ARIH2: variants seen among roughly 807,000 people sequenced by gnomAD.
The protein encoded by ARIH2 is E3 ubiquitin-protein ligase ARIH2.
A neutral mutation model predicts 79.8 loss-of-function variants in ARIH2; 12 were observed. The ratio of observed to expected loss-of-function variants is 0.15; its 90% CI spans 0.10 to 0.24. The LOEUF is 0.24. Ranked by LOEUF, ARIH2 falls within the 10% of genes least tolerant of loss-of-function variation. The pLI, the probability that ARIH2 is intolerant of heterozygous loss-of-function variation, is 1.00. For missense variants in ARIH2, 301 were observed against 618.3 expected (o/e 0.49, Z 5.44); for synonymous variants, 224 against 213.9 (o/e 1.05, Z -0.41).
chr3:48,941,779 A>G (rs940267236), intron 3 of ARIH2, among the ~76,000 whole-genome samples: 2 of 150,524 alleles, frequency 1.3e-5, no homozygotes, highest in African/African-American at 4.9e-5. Flanking sequence ...TTTTTAGTAG[A>G]GACGGGGTTA....
chr3:48,943,132 C>T (rs1326709812), intron 3 of ARIH2: 1 of 152,104 alleles, frequency 6.6e-6, no homozygotes, highest in Admixed American at 6.5e-5. Flanking sequence ...ATATCTGCCC[C>T]CTCCTTTACT....
chr3:48,923,162 C>G (rs974381798), intron 2 of ARIH2, among the ~76,000 whole-genome samples: 1 of 151,298 alleles, frequency 6.6e-6, no homozygotes, highest in Non-Finnish European at 1.5e-5. Context: ...AGCCGAGATC[C>G]CGCCACTGCA....
At chr3:48,953,687 A>G (rs1559787991) in intron 3 of ARIH2, among the ~76,000 whole-genome samples, 1 of 148,714 alleles carries the variant, frequency 6.7e-6, no homozygotes, top group African/African-American at 2.5e-5. Flanking sequence ...GGTGTGAGCC[A>G]CCACGCCCAG....
At chr3:48,930,560 C>A (rs2086235004) in intron 3 of ARIH2, among the ~76,000 whole-genome samples, 1 of 152,128 alleles carries the variant, frequency 6.6e-6, no homozygotes, top group Non-Finnish European at 1.5e-5. Flanking sequence ...GGCCTCAAGC[C>A]ATCTTCCCAC....
intron 6 of ARIH2, chr3:48,968,159 T>G: frequency 5.3e-6 from 1 of 189,154 alleles, no homozygotes; most frequent in South Asian, 9.0e-5. Flanking sequence ...CTCAGCCTCC[T>G]GAGTAGTTGG....
At chr3:48,945,605 ATC>A (rs1274116422) in intron 3 of ARIH2, among the ~76,000 whole-genome samples, 1 of 152,138 alleles carries the variant, frequency 6.6e-6, no homozygotes, top group African/African-American at 2.4e-5. Flanking sequence ...GCAGGAATTG[ATC>A]TCTCTCTGGT....
chr3:48,968,739 T>C, intron 7 of ARIH2, 84 bp downstream of exon 7: 1 of 1,528,922 alleles, frequency 6.5e-7, no homozygotes, highest in Non-Finnish European at 8.9e-7. Flanking sequence ...CTTTGTAGAC[T>C]AGGCTGACAT....
chr3:48,970,507 A>G (rs1051906436), intron 7 of ARIH2, 88 bp from the exon 8 acceptor site: 53 of 862,396 alleles, frequency 6.1e-5, no homozygotes, highest in Non-Finnish European at 9.5e-5. Flanking sequence ...AGCTGGGAGA[A>G]CAGAAAGTGT....
chr3:48,928,094 G>A (rs1177185278), intron 3 of ARIH2: 3 of 407,290 alleles, frequency 7.4e-6, no homozygotes, highest in African/African-American at 4.0e-5. Flanking sequence ...TAGCAGAATT[G>A]CACAACTTTG....
intron 3 of ARIH2, among the ~76,000 whole-genome samples, chr3:48,959,192 T>C (rs2090967350): frequency 1.3e-5 from 2 of 150,606 alleles, no homozygotes; most frequent in African/African-American, 4.9e-5. Context: ...GGTGGGCGCC[T>C]GTAGTCCCAG....
At chr3:48,931,949 C>G (rs1214128879) in intron 3 of ARIH2, among the ~76,000 whole-genome samples, 1 of 152,158 alleles carries the variant, frequency 6.6e-6, no homozygotes, top group African/African-American at 2.4e-5. Context: ...GCGGAGCTTG[C>G]AGTGAGCTGA....
intron 6 of ARIH2, chr3:48,968,027 TTTTG>T (rs987218535): frequency 1.4e-4 from 21 of 154,044 alleles, no homozygotes; most frequent in Admixed American, 2.0e-4. Context: ...TTTGTTTTTT[TTTTG>T]TTTGTTTGTT....
chr3:48,978,465 G>GTGTA (rs1251443781), intron 11 of ARIH2, among the ~76,000 whole-genome samples: 16 of 75,476 alleles, frequency 2.1e-4, no homozygotes, highest in Non-Finnish European at 3.3e-4. Flanking sequence ...GTGTGTGTGT[G>GTGTA]TATATATATA....
intron 3 of ARIH2, among the ~76,000 whole-genome samples, chr3:48,941,729 A>T (rs954018758): frequency 6.6e-6 from 1 of 150,930 alleles, no homozygotes; most frequent in Middle Eastern, 3.2e-3. Flanking sequence ...AGTAGCTGGG[A>T]CTACAGGTGC....
chr3:48,968,945 G>A (rs534782645), intron 7 of ARIH2, among the ~76,000 whole-genome samples: 6 of 152,002 alleles, frequency 3.9e-5, no homozygotes, highest in South Asian at 2.1e-4. Flanking sequence ...GTGCAGTGGC[G>A]CAATCTTGGC....
At chr3:48,927,861 A>T (rs1362885089) in intron 3 of ARIH2, 48 bp downstream of exon 3, 1 of 1,594,134 alleles carries the variant, frequency 6.3e-7, no homozygotes, top group South Asian at 1.1e-5. Context: ...GTTAAATCTA[A>T]GGATGAGCTG....
intron 11 of ARIH2, 92 bp downstream of exon 11, chr3:48,975,071 G>A: frequency 6.2e-7 from 1 of 1,604,280 alleles, no homozygotes. Context: ...GCCATGAAAT[G>A]ACAAAACATA....
intron 3 of ARIH2, chr3:48,948,985 T>C (rs114716547): frequency 2.4e-5 from 10 of 420,268 alleles, no homozygotes; most frequent in Non-Finnish European, 4.9e-5. Flanking sequence ...TTTCTAATTT[T>C]GGGCTACTAC....
At position 48,927,539 on chromosome 3, in the gene ARIH2, C is replaced by T; in HGVS notation, c.-20C>T. On this transcript the variant is annotated 5_prime_UTR_variant, in exon 3 of 16. Transcript: ENST00000356401. ...AAAAAGCAACTGCTTTCCTGATCTG[C>T]AACTTGGCTGGATGCTAAGATGTCA... is the stretch of plus-strand genomic sequence containing the variant. The T allele has an allele frequency of 1.2e-6, 2 of 1,609,794 alleles. No homozygotes were observed. Among genetic ancestry groups the T allele is most frequent in the Non-Finnish European group, 1.7e-6 (2 of 1,178,252 alleles).
Sources: allele counts gnomAD v4.1 joint callset (sites outside exome capture counted in the v4.1 genomes callset), GRCh38; gene constraint gnomAD v4.1.1; transcripts MANE v1.5; gene names NCBI Gene and HGNC (gene_info 2026-07-23, HGNC 2026-07-21).